The following KLF12 variants were observed in gnomAD, a reference collection of about 807,000 sequenced individuals.
The protein encoded by KLF12 is Krueppel-like factor 12.
In KLF12, 9 loss-of-function variants were observed where a neutral mutation model predicts 37.8. The ratio of observed to expected loss-of-function variants is 0.24; its 90% CI spans 0.14 to 0.42. The LOEUF (loss-of-function observed/expected upper bound fraction) is 0.42. Among genes scored for constraint, KLF12 ranks in the 10% least tolerant of loss-of-function variants. The pLI is 1.00. For synonymous variants in KLF12, 208 were observed against 202.1 expected, an observed-to-expected ratio of 1.03 and a Z score of -0.25; for missense variants, 411 against 516.0, an observed-to-expected ratio of 0.80 and a Z score of 1.97.
At chr13:74,263,117 AAGAG>A in the KLF12 span, among the ~76,000 whole-genome samples, 1 of 152,334 alleles carries the variant, frequency 6.6e-6, no homozygotes, top group Non-Finnish European at 1.5e-5. Flanking sequence ...TCATTTATAA[AAGAG>A]AGAAAGTATT....
intron 5 of KLF12, among the ~76,000 whole-genome samples, chr13:73,784,156 T>C (rs1881156007): frequency 1.3e-5 from 2 of 152,326 alleles, no homozygotes; most frequent in East Asian, 1.9e-4. Flanking sequence ...TCTCTGTTGC[T>C]TCTTTCAGAG....
At chr13:74,263,354 G>A in the KLF12 span, among the ~76,000 whole-genome samples, 1 of 152,258 alleles carries the variant, frequency 6.6e-6, no homozygotes, top group South Asian at 2.1e-4. Context: ...AGTTGCTATT[G>A]TATGCAGCAA....
chr13:73,901,113 GT>G (rs1888021159), intron 3 of KLF12, among the ~76,000 whole-genome samples: 1 of 152,152 alleles, frequency 6.6e-6, no homozygotes, highest in African/African-American at 2.4e-5. Context: ...GTGTTTTTGT[GT>G]TGCTGTTTAT....
the KLF12 span, among the ~76,000 whole-genome samples, chr13:74,139,043 T>C: frequency 1.3e-5 from 2 of 152,172 alleles, no homozygotes; most frequent in East Asian, 1.9e-4. Flanking sequence ...ATGGAAAGAG[T>C]GCTTCAGCTG....
At chr13:73,826,708 T>C (rs1257396592) in intron 4 of KLF12, among the ~76,000 whole-genome samples, 3 of 152,090 alleles carry the variant, frequency 2.0e-5, no homozygotes, top group Non-Finnish European at 4.4e-5. Context: ...TATATGTCCA[T>C]GAACAATACC....
At chr13:74,050,477 G>A (rs1007258832) in intron 1 of KLF12, among the ~76,000 whole-genome samples, 5 of 152,142 alleles carry the variant, frequency 3.3e-5, no homozygotes, top group Non-Finnish European at 7.4e-5. Context: ...ATGGTTACAG[G>A]TAAGCCTGAG....
At chr13:74,156,139 G>C in the KLF12 span, among the ~76,000 whole-genome samples, 1,963 of 152,258 alleles carry the variant, frequency 0.013, 50 homozygotes, top group African/African-American at 0.044. Context: ...GTTACATCTT[G>C]GGAAGCTAAG....
the KLF12 span, among the ~76,000 whole-genome samples, chr13:74,177,811 A>G: frequency 2.0e-5 from 3 of 152,196 alleles, no homozygotes; most frequent in Admixed American, 2.0e-4. Flanking sequence ...AATTCAAACT[A>G]TGAAAAACTT....
chr13:74,036,155 C>A (rs1893240092), intron 1 of KLF12, among the ~76,000 whole-genome samples: 1 of 152,214 alleles, frequency 6.6e-6, no homozygotes, highest in African/African-American at 2.4e-5. Flanking sequence ...TAAGTCTTCA[C>A]AGATTTTCCT....
At chr13:73,715,665 T>C (rs1332781217) in intron 6 of KLF12, 140 bp from the exon 7 acceptor site, 8 of 773,594 alleles carry the variant, frequency 1.0e-5, no homozygotes, top group East Asian at 2.7e-5. Context: ...TACCACTATC[T>C]TGGGCAGATC....
At chr13:74,234,674 A>T in the KLF12 span, among the ~76,000 whole-genome samples, 1 of 152,172 alleles carries the variant, frequency 6.6e-6, no homozygotes, top group African/African-American at 2.4e-5. Flanking sequence ...TTGGCTATAC[A>T]TACATTTGGA....
the KLF12 span, among the ~76,000 whole-genome samples, chr13:74,269,749 T>C: frequency 9.2e-5 from 14 of 152,286 alleles, no homozygotes; most frequent in African/African-American, 3.1e-4. Context: ...TACTTTCACC[T>C]TAGAAGTCCA....
chr13:74,239,460 C>T, the KLF12 span, among the ~76,000 whole-genome samples: 6 of 121,788 alleles, frequency 4.9e-5, no homozygotes, highest in African/African-American at 2.0e-4. Context: ...ATTAGGTCTG[C>T]TTGGTGCAGA....
chr13:73,712,872 A>G (rs951180586), intron 7 of KLF12, among the ~76,000 whole-genome samples: 2 of 152,218 alleles, frequency 1.3e-5, no homozygotes, highest in Non-Finnish European at 2.9e-5. Context: ...AGACAATGCT[A>G]TTGCACACTT....
rs934666945 is a variant in KLF12 at position 73,714,537 on chromosome 13, C to T, written c.1027+831G>A. 3.3e-5 allele frequency among the ~76,000 whole-genome samples: 5 copies of T among 152,148 alleles called. No individual in the cohort carries two copies. The South Asian group carries it at 6.2e-4, about 19-fold the overall frequency. Reference sequence around the variant, plus strand: ...GAATGTGTGAATGAATTTCCCTGCTCTATCGGCTTCTTTGGGCTTCACGCA... The same window carrying T: ...GAATGTGTGAATGAATTTCCCTGCTTTATCGGCTTCTTTGGGCTTCACGCA... On this transcript the variant is annotated intron_variant, in intron 7 of 7. Transcript: ENST00000377669.
At chr13:73,883,353 G>A (rs1465481978) in intron 3 of KLF12, among the ~76,000 whole-genome samples, 1 of 152,164 alleles carries the variant, frequency 6.6e-6, no homozygotes, top group East Asian at 1.9e-4. Context: ...GCACAGTACT[G>A]CAGAAGTCAG....
chr13:74,074,086 AG>A (rs1262890943), intron 1 of KLF12, among the ~76,000 whole-genome samples: 50 of 152,352 alleles, frequency 3.3e-4, no homozygotes, highest in African/African-American at 1.2e-3. Context: ...ACCAAGTAAA[AG>A]AATCACTGAT....
the KLF12 span, among the ~76,000 whole-genome samples, chr13:74,241,221 C>T: frequency 6.6e-6 from 1 of 151,174 alleles, no homozygotes; most frequent in African/African-American, 2.5e-5. Flanking sequence ...TGTCAGTGTG[C>T]CCCTGCTGGG....
intron 5 of KLF12, among the ~76,000 whole-genome samples, chr13:73,791,828 G>A (rs1418177754): frequency 6.6e-6 from 1 of 152,174 alleles, no homozygotes; most frequent in Non-Finnish European, 1.5e-5. Context: ...GGAATTATGA[G>A]CCTTGTGGAC....
Sources: allele counts gnomAD v4.1 joint callset (sites outside exome capture counted in the v4.1 genomes callset), GRCh38; gene constraint gnomAD v4.1.1; transcripts MANE v1.5; gene names NCBI Gene and HGNC (gene_info 2026-07-23, HGNC 2026-07-21).